CRPPA: variants seen among roughly 807,000 people sequenced by gnomAD.
The protein encoded by CRPPA is CDP-L-ribitol pyrophosphorylase A.
CRPPA carries 43 observed loss-of-function variants against 52.0 expected under a neutral mutation model. That is an observed-to-expected ratio of 0.83 (90% confidence interval 0.65 to 1.07). CRPPA has a LOEUF of 1.07. CRPPA is among the 50% of genes least tolerant of loss of function. The pLI is 0.00. For synonymous variants in CRPPA, 250 were observed against 203.5 expected (o/e 1.23, Z -1.94); for missense variants, 629 against 551.7 (o/e 1.14, Z -1.40).
intron 9 of CRPPA, among the ~76,000 whole-genome samples, chr7:16,147,630 A>G (rs564400808): frequency 1.2e-4 from 18 of 152,348 alleles, no homozygotes; most frequent in Non-Finnish European, 2.4e-4. Flanking sequence ...ATGTTTTGCT[A>G]CTTAAAGTAA....
At chr7:16,254,847 G>GAAAGAAAGAAAGAAAGAA (rs1562588903) in intron 8 of CRPPA, among the ~76,000 whole-genome samples, 1 of 131,830 alleles carries the variant, frequency 7.6e-6, no homozygotes, top group African/African-American at 2.9e-5. Context: ...GAAAGAAAGA[G>GAAAGAAAGAAAGAAAGAA]AAAGAAGAAA....
intron 9 of CRPPA, among the ~76,000 whole-genome samples, chr7:16,210,322 T>C (rs1328012024): frequency 6.6e-6 from 1 of 152,226 alleles, no homozygotes; most frequent in Admixed American, 6.5e-5. Flanking sequence ...GCATTTGATA[T>C]GGTTCCCAAT....
chr7:16,322,711 G>C (rs1378967957), intron 3 of CRPPA, among the ~76,000 whole-genome samples: 1 of 152,138 alleles, frequency 6.6e-6, no homozygotes, highest in Non-Finnish European at 1.5e-5. Flanking sequence ...CCCCATTTGA[G>C]GGAGAGTATT....
intron 9 of CRPPA, among the ~76,000 whole-genome samples, chr7:16,181,000 A>G (rs1328995159): frequency 1.3e-5 from 2 of 151,992 alleles, no homozygotes; most frequent in South Asian, 4.1e-4. Flanking sequence ...GATATACATG[A>G]TTAGAAAAGC....
intron 3 of CRPPA, among the ~76,000 whole-genome samples, chr7:16,337,007 A>G (rs532048850): frequency 8.7e-4 from 132 of 152,284 alleles, no homozygotes; most frequent in African/African-American, 2.8e-3. Flanking sequence ...ATCTGAATGA[A>G]GAGAGAGATT....
At chr7:16,416,681 C>CAAAAA (rs61476408) in intron 1 of CRPPA, among the ~76,000 whole-genome samples, 1 of 147,776 alleles carries the variant, frequency 6.8e-6, no homozygotes, top group East Asian at 2.0e-4. Context: ...CAAACAAATA[C>CAAAAA]AAAAAAAAAA....
intron 8 of CRPPA, among the ~76,000 whole-genome samples, chr7:16,257,285 A>C (rs185513254): frequency 8.2e-4 from 125 of 152,232 alleles, no homozygotes; most frequent in Non-Finnish European, 1.6e-3. Context: ...ATTTCTAAGC[A>C]AGTAAATGTG....
chr7:16,253,208 T>C (rs10252251), intron 8 of CRPPA, among the ~76,000 whole-genome samples: 93,194 of 152,046 alleles, frequency 0.61, 28,668 homozygotes, highest in East Asian at 0.67. Flanking sequence ...GGGTGTCAAT[T>C]TTAGATCTTT....
At chr7:16,384,448 T>C (rs1343064479) in intron 2 of CRPPA, among the ~76,000 whole-genome samples, 1 of 152,148 alleles carries the variant, frequency 6.6e-6, no homozygotes, top group African/African-American at 2.4e-5. Context: ...CCTCAAAAAC[T>C]ACCCCTGCAA....
At chr7:16,245,749 A>T (rs1362840350) in intron 8 of CRPPA, among the ~76,000 whole-genome samples, 1 of 152,230 alleles carries the variant, frequency 6.6e-6, no homozygotes, top group Non-Finnish European at 1.5e-5. Flanking sequence ...CAATGAAATG[A>T]GTCACAAGAA....
At chr7:16,405,875 A>T (rs1182007306) in intron 2 of CRPPA, among the ~76,000 whole-genome samples, 186 bp downstream of exon 2, 1 of 152,228 alleles carries the variant, frequency 6.6e-6, no homozygotes, top group Non-Finnish European at 1.5e-5. Context: ...AGATGACTAT[A>T]GCAAAAGATA....
chr7:16,275,858 G>A (rs1784191996), intron 6 of CRPPA, among the ~76,000 whole-genome samples: 1 of 150,598 alleles, frequency 6.6e-6, no homozygotes, highest in South Asian at 2.1e-4. Context: ...ATATATGAAT[G>A]ACAGAAAGAA....
At chr7:16,248,894 G>T (rs1783355820) in intron 8 of CRPPA, among the ~76,000 whole-genome samples, 1 of 152,120 alleles carries the variant, frequency 6.6e-6, no homozygotes, top group Non-Finnish European at 1.5e-5. Flanking sequence ...TTTGCAACTG[G>T]CAGACCCAGA....
intron 6 of CRPPA, chr7:16,277,008 A>G (rs1324900697): frequency 6.6e-6 from 1 of 152,206 alleles, no homozygotes; most frequent in African/African-American, 2.4e-5. Context: ...CTTATCACTG[A>G]AAGTTTAATT....
At chr7:16,160,037 T>G (rs1783269798) in intron 9 of CRPPA, among the ~76,000 whole-genome samples, 1 of 152,096 alleles carries the variant, frequency 6.6e-6, no homozygotes, top group Non-Finnish European at 1.5e-5. Flanking sequence ...TTCTTGTAAA[T>G]TTAAGTTCTT....
chr7:16,275,448 A>G (rs2128417024), intron 6 of CRPPA, among the ~76,000 whole-genome samples: 1 of 152,348 alleles, frequency 6.6e-6, no homozygotes, highest in South Asian at 2.1e-4. Context: ...AATAAAGGAA[A>G]GAGAAAGTAC....
chr7:16,182,306 A>T (rs1781427918), intron 9 of CRPPA, among the ~76,000 whole-genome samples: 2 of 152,080 alleles, frequency 1.3e-5, no homozygotes, highest in African/African-American at 2.4e-5. Context: ...ATGAAATATA[A>T]AAAGATTTAT....
chr7:16,377,046 G>T (rs780873099), intron 2 of CRPPA, among the ~76,000 whole-genome samples: 7 of 152,104 alleles, frequency 4.6e-5, no homozygotes, highest in Non-Finnish European at 1.0e-4. Context: ...TTGCTACATG[G>T]GGATGATTGC....
Position 16,400,274 on chromosome 7 carries a change from C to T in CRPPA, c.534+5787G>A, listed in dbSNP as rs114055151. On this transcript the variant is annotated intron_variant, in intron 2 of 9. Transcript: ENST00000407010. ...TCAACACGTGATTGTCACGTGATTA[C>T]CTGTGTGACATGACCAATGAGACAC... 1.4e-3 allele frequency among the ~76,000 whole-genome samples: 217 copies of T among 152,268 alleles called. 1 individual carries two copies. The highest frequency in any genetic ancestry group is 5.1e-3 in the African/African-American group (212 of 41,560).
Sources: gnomAD v4.1 joint callset for allele counts (sites outside exome capture counted in the v4.1 genomes callset) on GRCh38, gnomAD v4.1.1 for gene constraint, MANE v1.5 for transcripts, NCBI Gene and HGNC (gene_info 2026-07-23, HGNC 2026-07-21) for gene names.